The following PTPRF variants were observed in gnomAD, a reference collection of about 807,000 sequenced individuals.
PTPRF encodes protein tyrosine phosphatase receptor type F.
Under a neutral mutation model 201.8 loss-of-function variants are expected in PTPRF, and 59 were observed. The ratio of observed to expected loss-of-function variants is 0.29; its 90% CI spans 0.24 to 0.36. The LOEUF is 0.36. Ranked by LOEUF, PTPRF falls within the 10% of genes least tolerant of loss-of-function variation. The pLI, the probability that PTPRF is intolerant of heterozygous loss-of-function variation, is 1.00. For missense variants in PTPRF, 2,132 were observed against 2,690.5 expected (o/e 0.79, Z 4.59); for synonymous variants, 1,088 against 1,089.7 (o/e 1.00, Z 0.03).
At chr1:43,551,044 C>G (rs74070605) in intron 3 of PTPRF, among the ~76,000 whole-genome samples, 4,744 of 152,150 alleles carry the variant, frequency 0.031, 256 homozygotes, top group African/African-American at 0.11. Flanking sequence ...AGTGATTCGG[C>G]AGGTCTTTGG....
intron 23 of PTPRF, among the ~76,000 whole-genome samples, chr1:43,614,894 TA>T (rs1459423778): frequency 6.6e-6 from 1 of 152,096 alleles, no homozygotes; most frequent in African/African-American, 2.4e-5. Context: ...AGAGTATTTT[TA>T]CTTAAAAAAG....
At chr1:43,583,512 A>G (rs1256179475) in intron 7 of PTPRF, among the ~76,000 whole-genome samples, 2 of 152,094 alleles carry the variant, frequency 1.3e-5, no homozygotes, top group Non-Finnish European at 2.9e-5. Context: ...GGGACCTTTC[A>G]CCGCCCTCCT....
chr1:43,562,599 G>A (rs995756180), intron 5 of PTPRF, among the ~76,000 whole-genome samples: 1 of 151,086 alleles, frequency 6.6e-6, no homozygotes, highest in Admixed American at 6.6e-5. Context: ...GTAGAGATGG[G>A]GTTTCACGAA....
At chr1:43,612,820 G>A (rs751107092) in intron 22 of PTPRF, 8 of 1,360,264 alleles carry the variant, frequency 5.9e-6, no homozygotes, top group African/African-American at 1.5e-5. Context: ...CAAAGTTCCC[G>A]TGTTTGGGGG....
In PTPRF at chr1:43,619,387, C is replaced by T; in HGVS notation, c.4746C>T (p.Cys1582=). ...KTVDIYGHVT[C]MRSQRNYMVQ... ...TGGACATCTATGGCCACGTGACCTGCATGCGATCACAGAGGAACTACATGG... is the reference window on the plus strand; with the variant it reads ...TGGACATCTATGGCCACGTGACCTGTATGCGATCACAGAGGAACTACATGG... Residue 1582 remains cysteine, a synonymous_variant, in exon 28 of 34, where the codon TGC becomes TGT. Transcript: ENST00000359947. The T allele has an allele frequency of 1.2e-6, 2 of 1,614,124 alleles. No individual in the cohort carries two copies. Among genetic ancestry groups the T allele is most frequent in the Non-Finnish European group, 1.7e-6 (2 of 1,180,032 alleles).
chr1:43,592,371 G>T, intron 10 of PTPRF, 86 bp from the exon 11 acceptor site: 9 of 1,497,156 alleles, frequency 6.0e-6, no homozygotes, highest in Non-Finnish European at 7.2e-6. Context: ...GGGTCCAGAG[G>T]TGTCACATTG....
chr1:43,569,225 C>A (rs901911724), intron 5 of PTPRF, among the ~76,000 whole-genome samples: 1 of 141,092 alleles, frequency 7.1e-6, no homozygotes, highest in African/African-American at 2.6e-5. Flanking sequence ...GCTAGCCCCC[C>A]CCCCCACCCC....
At chr1:43,606,547 G>A in intron 20 of PTPRF, 89 bp downstream of exon 20, 1 of 1,309,180 alleles carries the variant, frequency 7.6e-7, no homozygotes, top group Non-Finnish European at 1.1e-6. Context: ...AAGACCCCAG[G>A]TCTTTATCAG....
chr1:43,619,285 C>A lies in PTPRF; in HGVS notation c.4647-3C>A. ...TGCCTCAAGCTGAGCCCGTGTCCTG[C>A]AGCGCGGGCGTGGGCCGCACCGGCT... On this transcript the variant is annotated splice_region_variant and splice_polypyrimidine_tract_variant and intron_variant, in intron 27 of 33. Transcript: ENST00000359947. The A allele has an allele frequency of 6.2e-7, 1 of 1,612,848 alleles. No individual in the cohort carries two copies. The highest frequency in any genetic ancestry group is 8.5e-7 in the Non-Finnish European group (1 of 1,179,680).
rs1002755826 is a variant in PTPRF at position 43,603,171 on chromosome 1, G to A, written c.2341-245G>A. Among the ~76,000 whole-genome samples the A allele has an allele frequency of 2.6e-5, 4 of 152,174 alleles. No individual in the cohort carries two copies. Among genetic ancestry groups the A allele is most frequent in the African/African-American group, 9.7e-5 (4 of 41,438 alleles). On this transcript the variant is annotated intron_variant, in intron 14 of 33. Coordinates refer to ENST00000359947, the MANE Select transcript of PTPRF (RefSeq NM_002840.5). The surrounding 1 kb of genome is among the most constrained non-coding windows in gnomAD (Gnocchi z 5.8). ...ACAGTCTGGCCCTTTGTTCTTGTCT[G>A]AAAAGAATAATGAGCTGTCTGCCCC...
chr1:43,553,641 C>T lies in PTPRF; in HGVS notation c.237+4C>T, dbSNP rs766996444. 74 of 1,613,834 alleles carry T rather than the reference C, an allele frequency of 4.6e-5. No individual in the cohort carries two copies. Among genetic ancestry groups the T allele is most frequent in the Admixed American group, 1.0e-4 (6 of 59,988 alleles). On this transcript the variant is annotated splice_donor_region_variant and intron_variant, in intron 4 of 33. Coordinates refer to ENST00000359947, the MANE Select transcript of PTPRF (RefSeq NM_002840.5). This position sits in a 1 kb window ranked among gnomAD's most constrained non-coding sequence, Gnocchi z 4.1. ...AGTCAGCTCCCAGCGCTTCGAGGTG[C>T]GTCTGTGGTGGGAAGGGGTCGGCAG...
At chr1:43,531,939 C>T (rs528286327) in intron 1 of PTPRF, among the ~76,000 whole-genome samples, 5 of 152,336 alleles carry the variant, frequency 3.3e-5, no homozygotes, top group Admixed American at 6.5e-5. Flanking sequence ...GCCTCCCAAT[C>T]TCACGCCCCT....
At chr1:43,557,891 G>A (rs1473065497) in intron 5 of PTPRF, among the ~76,000 whole-genome samples, 3 of 152,190 alleles carry the variant, frequency 2.0e-5, no homozygotes, top group Non-Finnish European at 2.9e-5. Context: ...TATAACCTTG[G>A]CCAGCATTGG....
At position 43,620,528 on chromosome 1, in the gene PTPRF, G is replaced by A. The variant is rs376546213; in HGVS notation, c.5313G>A (p.Glu1771=). 6 of 1,614,118 alleles carry A rather than the reference G, an allele frequency of 3.7e-6. No homozygotes were observed. The highest frequency in any genetic ancestry group is 3.3e-5 in the Admixed American group (2 of 60,014). ...YQYFVVDPMA[E]YNMPQYILRE... ...ACTTTGTTGTTGACCCGATGGCTGA[G>A]TACAACATGCCCCAGTATATCCTGC... is the stretch of plus-strand genomic sequence containing the variant. Residue 1771 remains glutamate, a synonymous_variant, in exon 31 of 34, where the codon GAG becomes GAA. Transcript: ENST00000359947.
intron 19 of PTPRF, 87 bp from the exon 20 acceptor site, chr1:43,606,153 C>T: frequency 7.0e-7 from 1 of 1,430,468 alleles, no homozygotes. Flanking sequence ...TGATCTCGGC[C>T]CAGGGAGCTG....
intron 13 of PTPRF, among the ~76,000 whole-genome samples, chr1:43,599,740 T>C (rs753061350): frequency 3.4e-5 from 5 of 149,032 alleles, no homozygotes; most frequent in Admixed American, 2.0e-4. Context: ...TGCTGGGGGG[T>C]TATGAGAGTG....
In PTPRF at chr1:43,617,964, G is replaced by A. The variant is rs992239170; in HGVS notation, c.4371+53G>A. The A allele has an allele frequency of 9.7e-6, 15 of 1,544,204 alleles. No homozygotes were observed. The African/African-American group carries it at 1.8e-4, about 18-fold the overall frequency. On this transcript the variant is annotated intron_variant, in intron 25 of 33. Coordinates refer to ENST00000359947, the MANE Select transcript of PTPRF (RefSeq NM_002840.5). Reference sequence around the variant, plus strand: ...CGGGTGGGAAATGCCCAGCCACAAGGTGATACAGGGCACCTTCTTCTGTGC... The same window carrying A: ...CGGGTGGGAAATGCCCAGCCACAAGATGATACAGGGCACCTTCTTCTGTGC...
chr1:43,592,243 C>A (rs1650972298), intron 10 of PTPRF, among the ~76,000 whole-genome samples: 1 of 152,142 alleles, frequency 6.6e-6, no homozygotes, highest in Non-Finnish European at 1.5e-5. Flanking sequence ...AGCCATGCGT[C>A]CCAGATGGCT....
intron 5 of PTPRF, among the ~76,000 whole-genome samples, chr1:43,565,354 TCTC>T (rs1294624217): frequency 1.3e-5 from 2 of 152,108 alleles, no homozygotes; most frequent in African/African-American, 4.8e-5. Flanking sequence ...AGGGGACAGG[TCTC>T]CTTGCTGCAG....
Sources: gnomAD v4.1 joint callset for allele counts (sites outside exome capture counted in the v4.1 genomes callset) on GRCh38, gnomAD v4.1.1 for gene constraint, Gnocchi (gnomAD v3.1) non-coding constraint, MANE v1.5 for transcripts, NCBI Gene and HGNC (gene_info 2026-07-23, HGNC 2026-07-21) for gene names.